The following SMARCA2 variants were observed in gnomAD, a reference collection of about 807,000 sequenced individuals.
SMARCA2 encodes the protein SWI/SNF-related matrix-associated actin-dependent regulator of chromatin subfamily A member 2.
SMARCA2 carries 61 observed loss-of-function variants against 199.8 expected under a neutral mutation model. The observed-to-expected ratio is 0.31, with a 90% confidence interval of 0.25 to 0.38. SMARCA2 has a LOEUF of 0.38. Among genes scored for constraint, SMARCA2 ranks in the 10% least tolerant of loss-of-function variants. The pLI is 1.00. For synonymous variants in SMARCA2, 935 were observed against 732.0 expected, an observed-to-expected ratio of 1.28 and a Z score of -4.48; for missense variants, 1,344 against 2,012.2, an observed-to-expected ratio of 0.67 and a Z score of 6.35.
intron 23 of SMARCA2, among the ~76,000 whole-genome samples, chr9:2,106,140 A>C (rs904784902): frequency 6.6e-6 from 1 of 152,194 alleles, no homozygotes; most frequent in African/African-American, 2.4e-5. Context: ...ATCCCTGTCA[A>C]CCAGTGTGCC....
intron 32 of SMARCA2, among the ~76,000 whole-genome samples, chr9:2,190,086 A>G (rs1827774310): frequency 6.6e-6 from 1 of 152,218 alleles, no homozygotes; most frequent in Admixed American, 6.5e-5. Context: ...TATCCCAAAT[A>G]GCTACCATGG....
chr9:2,079,520 G>C (rs573997317), intron 14 of SMARCA2, among the ~76,000 whole-genome samples: 1 of 152,224 alleles, frequency 6.6e-6, no homozygotes, highest in Admixed American at 6.5e-5. Flanking sequence ...TGCATCATCA[G>C]TGCAGACGTC....
At chr9:2,121,079 C>T (rs903982249) in intron 26 of SMARCA2, among the ~76,000 whole-genome samples, 1 of 152,220 alleles carries the variant, frequency 6.6e-6, no homozygotes, top group Non-Finnish European at 1.5e-5. Flanking sequence ...GCCGCAGATA[C>T]TCTCAAGACA....
intron 27 of SMARCA2, among the ~76,000 whole-genome samples, chr9:2,155,437 C>A (rs1252362566): frequency 4.6e-5 from 7 of 152,074 alleles, no homozygotes; most frequent in Non-Finnish European, 1.5e-5. Flanking sequence ...CACGTGCCAC[C>A]ACACCTGGCT....
rs1137626 is a variant in SMARCA2, at chr9:2,026,827, T to C, written c.-36-2160T>C. ...ATTTAAAATGCTGACTGAACCTGTGTGAGGTGGTGGAAAGCAAAAAGAAAA... is the reference window on the plus strand; with the variant it reads ...ATTTAAAATGCTGACTGAACCTGTGCGAGGTGGTGGAAAGCAAAAAGAAAA... On this transcript the variant is annotated intron_variant, in intron 1 of 33. Transcript: ENST00000349721. 2.5e-3 allele frequency among the ~76,000 whole-genome samples: 381 copies of C among 152,300 alleles called. 2 individuals carry two copies. The highest frequency in any genetic ancestry group is 8.9e-3 in the African/African-American group (372 of 41,574).
intron 32 of SMARCA2, among the ~76,000 whole-genome samples, chr9:2,188,810 TGTTCATCCTG>T (rs1720814779): frequency 6.6e-6 from 1 of 152,202 alleles, no homozygotes; most frequent in South Asian, 2.1e-4. Flanking sequence ...CCCATTTCCT[TGTTCATCCTG>T]GTTCTCAGCA....
intron 23 of SMARCA2, among the ~76,000 whole-genome samples, chr9:2,106,762 A>T (rs577967068): frequency 1.8e-4 from 27 of 152,196 alleles, no homozygotes; most frequent in Non-Finnish European, 4.0e-4. Context: ...CTAATACTCC[A>T]TATAGTTTTT....
chr9:2,057,797 G>A (rs1376107158), intron 7 of SMARCA2, among the ~76,000 whole-genome samples: 1 of 152,062 alleles, frequency 6.6e-6, no homozygotes, highest in South Asian at 2.1e-4. Context: ...TGTAAATAGA[G>A]TATATATTTA....
At chr9:2,152,485 A>G (rs980043388) in intron 27 of SMARCA2, among the ~76,000 whole-genome samples, 1 of 152,084 alleles carries the variant, frequency 6.6e-6, no homozygotes, top group Non-Finnish European at 1.5e-5. Flanking sequence ...CCTGGGAGGC[A>G]GAGGCTGCAG....
chr9:2,072,902 C>G (rs1017725624), intron 10 of SMARCA2, among the ~76,000 whole-genome samples: 1 of 152,154 alleles, frequency 6.6e-6, no homozygotes, highest in African/African-American at 2.4e-5. Context: ...TGTGGTCTGC[C>G]CTGCACCGGT....
intron 15 of SMARCA2, among the ~76,000 whole-genome samples, chr9:2,082,518 C>A (rs895815252): frequency 1.3e-5 from 2 of 152,138 alleles, no homozygotes; most frequent in East Asian, 3.8e-4. Context: ...TTAGTAAGGA[C>A]AGGAGTTTGC....
intron 32 of SMARCA2, 134 bp downstream of exon 32, chr9:2,186,362 T>A (rs1827454849): frequency 1.1e-5 from 10 of 914,576 alleles, no homozygotes; most frequent in Non-Finnish European, 1.5e-5. Flanking sequence ...TTGTCCTTGC[T>A]GGGCAACCGG....
At chr9:2,163,974 T>A (rs1296334062) in intron 28 of SMARCA2, among the ~76,000 whole-genome samples, 1 of 152,072 alleles carries the variant, frequency 6.6e-6, no homozygotes, top group Non-Finnish European at 1.5e-5. Context: ...CCCCCACCCT[T>A]TTGAAAAACC....
chr9:2,068,784 A>C (rs7865510), intron 9 of SMARCA2, among the ~76,000 whole-genome samples: 4,257 of 152,240 alleles, frequency 0.028, 140 homozygotes, highest in African/African-American at 0.078. Context: ...AGTAACTTTA[A>C]AATAGTGATT....
chr9:2,087,217 G>A (rs1436381879), intron 18 of SMARCA2, 146 bp downstream of exon 18: 9 of 930,758 alleles, frequency 9.7e-6, no homozygotes, highest in Non-Finnish European at 4.9e-6. Flanking sequence ...GGGTGGACAT[G>A]GTCTTGTGGT....
chr9:2,015,477 C>T (rs1436832122), intron 1 of SMARCA2, 73 bp downstream of exon 1: 2 of 152,976 alleles, frequency 1.3e-5, no homozygotes, highest in Non-Finnish European at 2.9e-5. Context: ...GCCGCTCAGA[C>T]CCCTCCGGCA....
chr9:2,105,431 T>G (rs1313960053), intron 23 of SMARCA2, among the ~76,000 whole-genome samples: 1 of 151,924 alleles, frequency 6.6e-6, no homozygotes, highest in Non-Finnish European at 1.5e-5. Context: ...TTTTGTATTT[T>G]TTAGTAAAGA....
intron 27 of SMARCA2, chr9:2,159,712 T>C (rs1825565963): frequency 1.4e-6 from 2 of 1,456,962 alleles, no homozygotes; most frequent in African/African-American, 2.8e-5. Context: ...AACAGCAGAT[T>C]TGAGTATCCA....
Position 2,110,423 on chromosome 9 carries a change from C to T in SMARCA2, c.3456+6C>T. The stretch of plus-strand genomic sequence containing the variant: ...GCGACTGGAATCCTCATCAGGTCTG[C>T]ATGTCCCACTCAGGTGCCCAGGCCT... On this transcript the variant is annotated splice_donor_region_variant and intron_variant, in intron 24 of 33. Transcript: ENST00000349721. This position sits in a 1 kb window ranked among gnomAD's most constrained non-coding sequence, Gnocchi z 4.8. The T allele has an allele frequency of 6.3e-7, 1 of 1,587,816 alleles. No homozygotes were observed. Among genetic ancestry groups the T allele is most frequent in the Non-Finnish European group, 8.5e-7 (1 of 1,169,736 alleles).
Sources: gnomAD v4.1 joint callset for allele counts (sites outside exome capture counted in the v4.1 genomes callset) on GRCh38, gnomAD v4.1.1 for gene constraint, Gnocchi (gnomAD v3.1) non-coding constraint, MANE v1.5 for transcripts, NCBI Gene and HGNC (gene_info 2026-07-23, HGNC 2026-07-21) for gene names.